Variants in BSN observed in about 807,000 individuals in gnomAD.
BSN encodes bassoon presynaptic cytomatrix protein, also known as protein bassoon.
BSN carries 57 observed loss-of-function variants against 264.8 expected under a neutral mutation model. That is an observed-to-expected ratio of 0.22 (90% CI 0.17 to 0.27). The LOEUF is 0.27. BSN is among the 10% of genes least tolerant of loss of function. The pLI, the probability that BSN is intolerant of heterozygous loss-of-function variation, is 1.00. For missense variants in BSN, 4,615 were observed against 5,232.5 expected (o/e 0.88, Z 3.64); for synonymous variants, 2,059 against 2,137.3 (o/e 0.96, Z 1.01).
intron 1 of BSN, among the ~76,000 whole-genome samples, chr3:49,609,745 C>T (rs2052189178): frequency 6.6e-6 from 1 of 152,146 alleles, no homozygotes; most frequent in Admixed American, 6.5e-5. Context: ...CTTTTTCAAA[C>T]AGGCTGTCTG....
Position 49,655,159 on chromosome 3 carries a change from G to C in BSN, c.5603G>C (p.Gly1868Ala). ...RKPHTVVVQM[G>A]EGTAGTVTTL... is the part of the protein sequence containing the mutation. ...CCACACACAGTGGTGGTGCAGATGG[G>C]AGAGGGCACAGCAGGCACTGTGACC... Residue 1868 changes from glycine (G) to alanine (A), a missense_variant, in exon 5 of 12, where the codon GGA becomes GCA. By Grantham distance (60) the Gly-to-Ala change is moderately conservative. Around this residue, in one of 3 missense-constraint regions of BSN, gnomAD observed 3,415 missense variants for 3,866.4 expected, o/e 0.88. Transcript: ENST00000296452. 6.2e-7 allele frequency: 1 copy of C among 1,612,678 alleles called. No homozygotes were observed. The highest frequency in any genetic ancestry group is 1.1e-5 in the South Asian group (1 of 91,068).
intron 1 of BSN, among the ~76,000 whole-genome samples, chr3:49,605,925 T>TAAATAGATATA (rs1559603226): frequency 3.3e-5 from 2 of 60,284 alleles, no homozygotes; most frequent in Non-Finnish European, 2.9e-5. Context: ...TAAATAGATA[T>TAAATAGATATA]AAAATCTATT....
At chr3:49,575,611 A>T (rs1408492361) in intron 1 of BSN, among the ~76,000 whole-genome samples, 1 of 142,006 alleles carries the variant, frequency 7.0e-6, no homozygotes, top group African/African-American at 2.6e-5. Flanking sequence ...ATACATATAT[A>T]TGTGTATATA....
rs1225836255 is a variant in BSN at position 49,651,381 on chromosome 3, C to T, written c.1987-162C>T. The T allele has an allele frequency of 1.3e-6, 1 of 795,052 alleles. No homozygotes were observed. The highest frequency in any genetic ancestry group is 1.7e-5 in the African/African-American group (1 of 57,846). The allele number at this position is 795,052 out of a possible 1,614,324, so 49.2% of individuals were successfully genotyped here. ...TGGTTTGGGCTTGCCATGGAACCTT[C>T]AGGTTATTCAAGGCCAGAAGGAGAT... On this transcript the variant is annotated intron_variant, in intron 4 of 11. Transcript: ENST00000296452. The surrounding 1 kb of genome is among the most constrained non-coding windows in gnomAD (Gnocchi z 5.4).
chr3:49,619,014 C>T (rs2052282703), intron 1 of BSN, among the ~76,000 whole-genome samples: 1 of 152,170 alleles, frequency 6.6e-6, no homozygotes, highest in Non-Finnish European at 1.5e-5. Flanking sequence ...ACCCACCTTC[C>T]ATTGAAGAGA....
In BSN at chr3:49,661,500, C is replaced by T. The variant is rs1418269697; in HGVS notation, c.9655C>T (p.His3219Tyr). ...SPAPTYPSDSHYTSLEQNVPR... is the reference protein window; with the variant it reads ...SPAPTYPSDSYYTSLEQNVPR... ...AGCCCCCACCTACCCCTCTGACTCA[C>T]ACTATACCAGTCTGGAGCAGAACGT... is the stretch of plus-strand genomic sequence containing the variant. The change falls in exon 6 of 12, where the codon CAC becomes TAC. Residue 3219 changes from histidine to tyrosine, a missense_variant. By Grantham distance (83) the His-to-Tyr change is moderately conservative. Transcript: ENST00000296452. 1 of 1,614,128 alleles carries T rather than the reference C, an allele frequency of 6.2e-7. No homozygotes were observed. The highest frequency in any genetic ancestry group is 2.2e-5 in the East Asian group (1 of 44,888).
intron 2 of BSN, among the ~76,000 whole-genome samples, chr3:49,626,176 T>C (rs2052340010): frequency 6.6e-6 from 1 of 152,148 alleles, no homozygotes; most frequent in Non-Finnish European, 1.5e-5. Context: ...GTTGGGGCCA[T>C]CGCTTTAAAA....
chr3:49,627,704 C>T (rs143900685), intron 2 of BSN, among the ~76,000 whole-genome samples: 252 of 152,232 alleles, frequency 1.7e-3, no homozygotes, highest in Non-Finnish European at 2.6e-3. Flanking sequence ...AGATTCTGGG[C>T]ATGTGTAAGG....
chr3:49,630,830 G>A (rs73077104), intron 2 of BSN, among the ~76,000 whole-genome samples: 7 of 152,308 alleles, frequency 4.6e-5, no homozygotes, highest in Non-Finnish European at 8.8e-5. Flanking sequence ...GGCACAAGAA[G>A]GGGAGGCAGG....
intron 1 of BSN, among the ~76,000 whole-genome samples, chr3:49,582,885 G>C (rs372022489): frequency 6.6e-6 from 1 of 151,918 alleles, no homozygotes; most frequent in Non-Finnish European, 1.5e-5. Flanking sequence ...TGCTTTTTCT[G>C]CATCAATTGA....
chr3:49,617,320 A>ATATATATATATATATAT (rs1553663322), intron 1 of BSN, among the ~76,000 whole-genome samples: 1 of 119,826 alleles, frequency 8.3e-6, no homozygotes, highest in Non-Finnish European at 1.9e-5. Context: ...TATATATATA[A>ATATATATATATATATAT]TTTTATAATT....
At chr3:49,580,421 G>T (rs2051886901) in intron 1 of BSN, among the ~76,000 whole-genome samples, 1 of 152,154 alleles carries the variant, frequency 6.6e-6, no homozygotes, top group Admixed American at 6.6e-5. Context: ...GTATAATTCA[G>T]TGGTTTATTA....
At chr3:49,622,590 G>C (rs971896703) in intron 1 of BSN, among the ~76,000 whole-genome samples, 2 of 152,204 alleles carry the variant, frequency 1.3e-5, no homozygotes, top group African/African-American at 4.8e-5. Flanking sequence ...TTCTCAGAAG[G>C]CTTGCACCAC....
rs754441411 is a variant in BSN, at chr3:49,664,844, GC to G, written c.*8del. ...AAATTTTCCTCATTCTGGTGACCAT[GC>G]CCAGCATGGTGAGTACAAGCAGCCT... On this transcript the variant is annotated 3_prime_UTR_variant, in exon 10 of 12. Coordinates refer to ENST00000296452, the MANE Select transcript of BSN (RefSeq NM_003458.4). 7 of 1,611,444 alleles carry G rather than the reference GC, an allele frequency of 4.3e-6. No homozygotes were observed. The highest frequency in any genetic ancestry group is 5.9e-6 in the Non-Finnish European group (7 of 1,179,398).
At chr3:49,578,410 GT>G (rs35070088) in intron 1 of BSN, among the ~76,000 whole-genome samples, 71,225 of 149,298 alleles carry the variant, frequency 0.48, 18,679 homozygotes, top group East Asian at 0.93. Context: ...CAAAGCTACA[GT>G]TTTTTTTTTT....
At chr3:49,616,172 GAT>G (rs914797428) in intron 1 of BSN, among the ~76,000 whole-genome samples, 4 of 152,194 alleles carry the variant, frequency 2.6e-5, no homozygotes. Flanking sequence ...GGCAGGCCAG[GAT>G]ATGTTTTCTT....
At chr3:49,628,947 C>A (rs2052364219) in intron 2 of BSN, among the ~76,000 whole-genome samples, 1 of 152,142 alleles carries the variant, frequency 6.6e-6, no homozygotes, top group South Asian at 2.1e-4. Context: ...GTCCTCGTAG[C>A]TCAGGGCAAG....
intron 1 of BSN, among the ~76,000 whole-genome samples, chr3:49,616,779 A>G (rs1046049118): frequency 6.6e-6 from 1 of 152,114 alleles, no homozygotes; most frequent in Non-Finnish European, 1.5e-5. Flanking sequence ...TGTCTGAAGC[A>G]TTTTTTAGTC....
chr3:49,641,198 G>A (rs1043146839), intron 2 of BSN, among the ~76,000 whole-genome samples: 1 of 152,156 alleles, frequency 6.6e-6, no homozygotes, highest in African/African-American at 2.4e-5. Context: ...GGTAGACTTG[G>A]GGCATAGCCA....
Sources: allele counts gnomAD v4.1 joint callset (sites outside exome capture counted in the v4.1 genomes callset), GRCh38; gene constraint gnomAD v4.1.1; regional missense constraint gnomAD v4.1.1; non-coding constraint Gnocchi (gnomAD v3.1); transcripts MANE v1.5; gene names NCBI Gene and HGNC (gene_info 2026-07-23, HGNC 2026-07-21).